The following NAV3 variants were observed in gnomAD, a reference collection of about 807,000 sequenced individuals.
NAV3 encodes pore membrane and/or filament interacting like protein 1.
In NAV3, 87 loss-of-function variants were observed where a neutral mutation model predicts 244.7. The observed-to-expected ratio is 0.36, with a 90% CI of 0.30 to 0.42. The LOEUF (loss-of-function observed/expected upper bound fraction) is 0.42, where lower values mean the gene tolerates loss of function less well. Ranked by LOEUF, NAV3 falls within the 20% of genes least tolerant of loss-of-function variation. The probability of loss-of-function intolerance (pLI) is 1.00; values close to 1 mark genes in which losing one functional copy is unlikely to be tolerated. For synonymous variants in NAV3, 1,126 were observed against 1,042.2 expected (o/e 1.08, Z -1.55); for missense variants, 2,663 against 2,893.3 (o/e 0.92, Z 1.83).
intron 2 of NAV3, among the ~76,000 whole-genome samples, chr12:77,802,794 C>G (rs1469368572): frequency 6.6e-6 from 1 of 152,062 alleles, no homozygotes; most frequent in Non-Finnish European, 1.5e-5. Context: ...TCCCAAGTAG[C>G]TGGAACTACA....
intron 1 of NAV3, among the ~76,000 whole-genome samples, chr12:77,846,487 G>A (rs1215512643): frequency 6.6e-6 from 1 of 152,174 alleles, no homozygotes; most frequent in Non-Finnish European, 1.5e-5. Context: ...TGATTTTAGT[G>A]CGCAGTGTCT....
chr12:78,063,301 G>T (rs2137482240), intron 12 of NAV3, among the ~76,000 whole-genome samples: 1 of 152,246 alleles, frequency 6.6e-6, no homozygotes, highest in East Asian at 1.9e-4. Flanking sequence ...AGATATGTTG[G>T]AGACTCTCCA....
chr12:77,713,266 T>C (rs1231309551), intron 2 of NAV3, among the ~76,000 whole-genome samples: 1 of 152,206 alleles, frequency 6.6e-6, no homozygotes. Flanking sequence ...TTTTAAGTAT[T>C]TGTGTTTCTC....
chr12:77,923,189 G>A (rs1439287292), intron 1 of NAV3, among the ~76,000 whole-genome samples: 1 of 151,960 alleles, frequency 6.6e-6, no homozygotes, highest in Non-Finnish European at 1.5e-5. Context: ...AGAGAATAAA[G>A]GAATGTCATA....
chr12:77,788,572 G>C (rs764253975), intron 2 of NAV3, among the ~76,000 whole-genome samples: 3 of 149,192 alleles, frequency 2.0e-5, no homozygotes, highest in Non-Finnish European at 4.4e-5. Context: ...GACTTAATGA[G>C]TTTTACACAT....
intron 23 of NAV3, among the ~76,000 whole-genome samples, chr12:78,161,787 A>C (rs373357788): frequency 1.3e-5 from 2 of 152,284 alleles, no homozygotes; most frequent in East Asian, 3.9e-4. Context: ...ATTTGAGATT[A>C]TAACTTGCCT....
chr12:77,813,371 G>A (rs1307779862), intron 2 of NAV3, among the ~76,000 whole-genome samples: 1 of 152,138 alleles, frequency 6.6e-6, no homozygotes, highest in Non-Finnish European at 1.5e-5. Context: ...TTGTTGGGTA[G>A]GGATGTGAAC....
At chr12:78,085,105 A>G (rs954555352) in intron 12 of NAV3, among the ~76,000 whole-genome samples, 13 of 152,196 alleles carry the variant, frequency 8.5e-5, no homozygotes, top group African/African-American at 3.1e-4. Context: ...TAAATATACA[A>G]CTAATGCAAA....
At position 77,713,914 on chromosome 12, in the gene NAV3, G is replaced by A. The variant is rs114466889; in HGVS notation, c.72+141648G>A. Among the ~76,000 whole-genome samples the A allele has an allele frequency of 4.9e-3, 747 of 151,954 alleles. 4 individuals are homozygous for A. Among genetic ancestry groups the A allele is most frequent in the African/African-American group, 0.017 (719 of 41,448 alleles). On this transcript the variant is annotated intron_variant, in intron 2 of 8. Transcript: ENST00000550042. ...TGAAATTAGGAAGATATTATTTCCTGGCAAAATTATGTGCCCAATAAACAT... is the reference window on the plus strand; with the variant it reads ...TGAAATTAGGAAGATATTATTTCCTAGCAAAATTATGTGCCCAATAAACAT...
At chr12:77,614,761 G>T (rs557291298) in intron 2 of NAV3, among the ~76,000 whole-genome samples, 21 of 152,246 alleles carry the variant, frequency 1.4e-4, no homozygotes, top group Admixed American at 1.0e-3. Flanking sequence ...ATACTTGTTA[G>T]GATTGAACAC....
chr12:77,820,528 G>T, intron 2 of NAV3, among the ~76,000 whole-genome samples: 1 of 152,138 alleles, frequency 6.6e-6, no homozygotes, highest in East Asian at 1.9e-4. Context: ...CGCCAATATT[G>T]TTGCATTGAG....
chr12:78,110,701 T>TGA, intron 12 of NAV3, among the ~76,000 whole-genome samples: 1 of 151,992 alleles, frequency 6.6e-6, no homozygotes, highest in East Asian at 1.9e-4. Context: ...ATAGTGTGTG[T>TGA]GTGTGTATAC....
At position 78,016,477 on chromosome 12, in the gene NAV3, C is replaced by T. The variant is rs151223739; in HGVS notation, c.1908-5270C>T. Among the ~76,000 whole-genome samples the T allele has an allele frequency of 8.5e-3, 1,289 of 152,204 alleles. 9 individuals carry two copies. Among genetic ancestry groups the T allele is most frequent in the Middle Eastern group, 0.027 (8 of 292 alleles). On this transcript the variant is annotated intron_variant, in intron 8 of 39. Coordinates refer to ENST00000397909, the MANE Select transcript of NAV3 (RefSeq NM_001024383.2). ...AATATGTTTTCTTATTTACTCAACT[C>T]CCCTGAATCGAGTAAATCTTCCATC...
intron 18 of NAV3, among the ~76,000 whole-genome samples, chr12:78,134,517 T>A (rs2138967430): frequency 6.6e-6 from 1 of 152,322 alleles, no homozygotes; most frequent in African/African-American, 2.4e-5. Context: ...CTCTTCATAT[T>A]TAAAACAATA....
At chr12:77,815,324 T>A (rs746919610) in intron 2 of NAV3, among the ~76,000 whole-genome samples, 1 of 152,196 alleles carries the variant, frequency 6.6e-6, no homozygotes, top group Non-Finnish European at 1.5e-5. Flanking sequence ...GAGTGAGCAG[T>A]GTTGCAATTA....
At chr12:78,142,077 T>A (rs1011332598) in intron 20 of NAV3, among the ~76,000 whole-genome samples, 8 of 152,136 alleles carry the variant, frequency 5.3e-5, no homozygotes, top group Non-Finnish European at 1.0e-4. Flanking sequence ...TAATTTATTG[T>A]ACATTTCAAA....
At chr12:78,113,039 A>C (rs1955182300) in intron 12 of NAV3, among the ~76,000 whole-genome samples, 1 of 152,202 alleles carries the variant, frequency 6.6e-6, no homozygotes, top group Non-Finnish European at 1.5e-5. Context: ...GGCCATTGTT[A>C]AACCTTAAAG....
chr12:78,198,101 A>G (rs1427030879), intron 35 of NAV3, among the ~76,000 whole-genome samples: 1 of 151,906 alleles, frequency 6.6e-6, no homozygotes, highest in Admixed American at 6.6e-5. Context: ...TAAGAATATC[A>G]ACATAAAATA....
intron 12 of NAV3, among the ~76,000 whole-genome samples, chr12:78,076,684 C>CT (rs1449409830): frequency 6.6e-6 from 1 of 151,694 alleles, no homozygotes; most frequent in Non-Finnish European, 1.5e-5. Context: ...CTTTTGAGAG[C>CT]TTTTTAAAAA....
Sources: allele counts gnomAD v4.1 joint callset (sites outside exome capture counted in the v4.1 genomes callset), GRCh38; gene constraint gnomAD v4.1.1; transcripts MANE v1.5; gene names NCBI Gene and HGNC (gene_info 2026-07-23, HGNC 2026-07-21).